Variants in MSRB3 observed in about 807,000 individuals in gnomAD.
MSRB3 encodes the protein methionine-R-sulfoxide reductase B3.
MSRB3 carries 13 observed loss-of-function variants against 21.0 expected under a neutral mutation model. The observed-to-expected ratio is 0.62, with a 90% CI of 0.40 to 0.98. The LOEUF is 0.98. MSRB3 is among the 50% of genes least tolerant of loss of function. The probability of loss-of-function intolerance (pLI) is 0.00; values close to 1 mark genes in which losing one functional copy is unlikely to be tolerated. For synonymous variants in MSRB3, 87 were observed against 88.6 expected, an observed-to-expected ratio of 0.98 and a Z score of 0.10; for missense variants, 199 against 230.3, an observed-to-expected ratio of 0.86 and a Z score of 0.88.
chr12:65,433,954 T>A (rs1012550149), intron 5 of MSRB3, among the ~76,000 whole-genome samples: 3 of 151,856 alleles, frequency 2.0e-5, no homozygotes, highest in African/African-American at 7.3e-5. Context: ...TTTTCAAAGA[T>A]CTTGGCATAT....
rs542989700 is a variant in MSRB3 at position 65,421,977 on chromosome 12, A to C, written c.293-31751A>C. On this transcript the variant is annotated intron_variant, in intron 5 of 6. Coordinates refer to ENST00000308259, the MANE Select transcript of MSRB3 (RefSeq NM_001031679.3). ...CAAGACTCAATGGTATGCTTTCTTC[A>C]AGAGACCCATCTAACATGCAACGAC... Among the ~76,000 whole-genome samples, 179 of 152,324 alleles carry C rather than the reference A, an allele frequency of 1.2e-3. 4 individuals are homozygous for C. The South Asian group carries it at 0.035, about 30-fold the overall frequency.
intron 5 of MSRB3, among the ~76,000 whole-genome samples, chr12:65,422,387 A>AATATATAT (rs1565884963): frequency 5.7e-5 from 5 of 88,130 alleles, no homozygotes; most frequent in Non-Finnish European, 8.8e-5. Flanking sequence ...GGGAGTACAT[A>AATATATAT]GTATATATAT....
intron 5 of MSRB3, among the ~76,000 whole-genome samples, chr12:65,440,441 CAATT>C (rs1385941583): frequency 4.0e-5 from 6 of 151,688 alleles, no homozygotes; most frequent in African/African-American, 1.5e-4. Context: ...AAACTGTTAT[CAATT>C]AAGAAAATTA....
chr12:65,421,752 A>G (rs1017463253), intron 5 of MSRB3, among the ~76,000 whole-genome samples: 4 of 152,212 alleles, frequency 2.6e-5, no homozygotes, highest in Non-Finnish European at 5.9e-5. Flanking sequence ...GAAAGGAAAG[A>G]CCATTACCAG....
In MSRB3 at chr12:65,464,410, C is replaced by A. The variant is rs1353382705; in HGVS notation, c.*1088C>A. On this transcript the variant is annotated 3_prime_UTR_variant, in exon 7 of 7. Coordinates refer to ENST00000308259, the MANE Select transcript of MSRB3 (RefSeq NM_001031679.3). ...GAGGTTGCAGTGAGCTGAGCTCATACCACTGCACTCCAGCCTGAACAGAGT... is the reference window on the plus strand; with the variant it reads ...GAGGTTGCAGTGAGCTGAGCTCATAACACTGCACTCCAGCCTGAACAGAGT... The A allele has an allele frequency of 1.3e-5, 2 of 152,344 alleles. No individual in the cohort carries two copies. The highest frequency in any genetic ancestry group is 4.1e-4 in the South Asian group (2 of 4,830). The allele number at this position is 152,344 out of a possible 1,614,324, so 9.4% of individuals were successfully genotyped here.
intron 5 of MSRB3, among the ~76,000 whole-genome samples, chr12:65,377,379 C>A (rs1878685094): frequency 6.6e-6 from 1 of 152,192 alleles, no homozygotes; most frequent in African/African-American, 2.4e-5. Context: ...TCAAGCGATT[C>A]TCCTGCCTCA....
intron 5 of MSRB3, among the ~76,000 whole-genome samples, chr12:65,450,268 C>T (rs1882799473): frequency 6.6e-6 from 1 of 152,086 alleles, no homozygotes; most frequent in African/African-American, 2.4e-5. Context: ...GTTATATCTG[C>T]AGATGAATGT....
intron 5 of MSRB3, among the ~76,000 whole-genome samples, chr12:65,370,628 C>T (rs2136536531): frequency 6.6e-6 from 1 of 152,284 alleles, no homozygotes; most frequent in South Asian, 2.1e-4. Context: ...TTAAAGTGTG[C>T]TGCTAAATTC....
chr12:65,451,818 A>G (rs2136699207), intron 5 of MSRB3, among the ~76,000 whole-genome samples: 1 of 152,294 alleles, frequency 6.6e-6, no homozygotes, highest in Non-Finnish European at 1.5e-5. Flanking sequence ...GTAATTGTTT[A>G]TCTCATTTGC....
In MSRB3 at chr12:65,454,110, C is replaced by T. The variant is rs1002995970; in HGVS notation, c.390+285C>T. ...ACGAGTCCGGGCAACCTAGTGAGAC[C>T]TCGTCTCTACAGAAAATATTTTAAA... On this transcript the variant is annotated intron_variant, in intron 6 of 6. Coordinates refer to ENST00000308259, the MANE Select transcript of MSRB3 (RefSeq NM_001031679.3). 9.9e-6 allele frequency: 6 copies of T among 603,822 alleles called. 1 individual carries two copies. In the Admixed American group the frequency reaches 1.2e-4, roughly 12 times the overall value. The allele number at this position is 603,822 out of a possible 1,614,324, so 37.4% of individuals were successfully genotyped here.
intron 5 of MSRB3, among the ~76,000 whole-genome samples, chr12:65,377,715 T>C (rs1020721835): frequency 3.9e-5 from 6 of 152,232 alleles, no homozygotes; most frequent in African/African-American, 1.4e-4. Flanking sequence ...GAAGATTTAT[T>C]CTCCCCTTTT....
intron 5 of MSRB3, among the ~76,000 whole-genome samples, chr12:65,381,491 T>C (rs1265786767): frequency 6.6e-6 from 1 of 152,142 alleles, no homozygotes; most frequent in Non-Finnish European, 1.5e-5. Flanking sequence ...TTTTAACATC[T>C]TGCTCCAGTA....
intron 6 of MSRB3, among the ~76,000 whole-genome samples, chr12:65,460,989 A>G (rs140633929): frequency 6.6e-6 from 1 of 152,296 alleles, no homozygotes; most frequent in African/African-American, 2.4e-5. Context: ...ATAAATAGAA[A>G]TATTTTCTAA....
rs11833822 is a variant in MSRB3 at position 65,291,769 on chromosome 12, G to A, written c.-52+12904G>A. Among the ~76,000 whole-genome samples, 541 of 152,246 alleles carry A rather than the reference G, an allele frequency of 3.6e-3. 5 individuals are homozygous for A. The highest frequency in any genetic ancestry group is 0.012 in the African/African-American group (509 of 41,530). ...TGTGGTAGGAGCAAGAGAGAGCATG[G>A]TTAGAGTTTAGGGCAAAGAAGAAGA... On this transcript the variant is annotated intron_variant, in intron 1 of 6. Coordinates refer to ENST00000308259, the MANE Select transcript of MSRB3 (RefSeq NM_001031679.3).
At chr12:65,381,745 A>T (rs1878947949) in intron 5 of MSRB3, among the ~76,000 whole-genome samples, 1 of 152,004 alleles carries the variant, frequency 6.6e-6, no homozygotes, top group African/African-American at 2.4e-5. Context: ...AACACATTTA[A>T]AGTAAATTTT....
chr12:65,364,365 G>A (rs1381374101), intron 4 of MSRB3, among the ~76,000 whole-genome samples: 1 of 152,142 alleles, frequency 6.6e-6, no homozygotes, highest in Admixed American at 6.5e-5. Context: ...ATATTGGAAG[G>A]CAGTAACATT....
chr12:65,426,284 G>GT (rs1881596023), intron 5 of MSRB3, among the ~76,000 whole-genome samples: 1 of 152,074 alleles, frequency 6.6e-6, no homozygotes, highest in Non-Finnish European at 1.5e-5. Flanking sequence ...CTAGGAAAGT[G>GT]TTTATCTCTT....
intron 5 of MSRB3, among the ~76,000 whole-genome samples, chr12:65,401,405 C>T (rs1880116069): frequency 1.3e-5 from 2 of 152,152 alleles, no homozygotes; most frequent in Non-Finnish European, 2.9e-5. Context: ...GGTTTAAAGT[C>T]TGTTTTATCA....
rs78767232 is a variant in MSRB3, at chr12:65,307,912, C to T, written c.-51-617C>T. ...AATTGTCCTTAGGTTTTCTGGGTCT[C>T]TATTTTATAAAATGAAATTCTAACA... On this transcript the variant is annotated intron_variant, in intron 1 of 6. Coordinates refer to ENST00000308259, the MANE Select transcript of MSRB3 (RefSeq NM_001031679.3). Among the ~76,000 whole-genome samples the T allele has an allele frequency of 5.5e-3, 832 of 152,230 alleles. 12 individuals are homozygous for T. The highest frequency in any genetic ancestry group is 0.017 in the Middle Eastern group (5 of 294).
Sources: gnomAD v4.1 joint callset for allele counts (sites outside exome capture counted in the v4.1 genomes callset) on GRCh38, gnomAD v4.1.1 for gene constraint, MANE v1.5 for transcripts, NCBI Gene and HGNC (gene_info 2026-07-23, HGNC 2026-07-21) for gene names.